The following IDO1 variants were observed in gnomAD, a reference collection of about 807,000 sequenced individuals.
IDO1 encodes indoleamine 2,3-dioxygenase 1.
IDO1 carries 35 observed loss-of-function variants against 38.8 expected under a neutral mutation model. That is an observed-to-expected ratio of 0.90 (90% CI 0.69 to 1.20). The LOEUF is 1.20. Among genes scored for constraint, IDO1 ranks in the 50% most tolerant of loss-of-function variants. The pLI, the probability that IDO1 is intolerant of heterozygous loss-of-function variation, is 0.00. For synonymous variants in IDO1, 171 were observed against 170.0 expected, an observed-to-expected ratio of 1.01 and a Z score of -0.05; for missense variants, 509 against 485.1, an observed-to-expected ratio of 1.05 and a Z score of -0.46.
At position 39,923,464 on chromosome 8, in the gene IDO1, T is replaced by A; in HGVS notation, c.538-5T>A. ...AAATGTTTGTGTTTTGTTTGTTTGTTTTAGGTAATTCCTACTGTATTCAAG... is the reference window on the plus strand; with the variant it reads ...AAATGTTTGTGTTTTGTTTGTTTGTATTAGGTAATTCCTACTGTATTCAAG... On this transcript the variant is annotated splice_region_variant and splice_polypyrimidine_tract_variant and intron_variant, in intron 6 of 9. Coordinates refer to ENST00000518237, the MANE Select transcript of IDO1 (RefSeq NM_002164.6). 2 of 1,515,368 alleles carry A rather than the reference T, an allele frequency of 1.3e-6. No individual in the cohort carries two copies. Among genetic ancestry groups the A allele is most frequent in the East Asian group, 4.5e-5 (2 of 44,390 alleles). The allele number at this position is 1,515,368 out of a possible 1,614,324, so 93.9% of individuals were successfully genotyped here.
intron 4 of IDO1, 59 bp downstream of exon 4, chr8:39,918,992 G>A: frequency 9.6e-7 from 1 of 1,038,242 alleles, no homozygotes; most frequent in African/African-American, 1.7e-5. Flanking sequence ...AAATAAAACA[G>A]GGGTTGTTCA....
intron 7 of IDO1, among the ~76,000 whole-genome samples, chr8:39,924,401 T>C (rs1408024775): frequency 2.6e-5 from 4 of 152,170 alleles, no homozygotes; most frequent in Non-Finnish European, 4.4e-5. Flanking sequence ...GAGGGAAATC[T>C]AGTTTCTAGG....
chr8:39,920,114 A>G lies in IDO1; in HGVS notation c.437A>G (p.Glu146Gly). ...KKDPNKPLTY[E>G]NMDVLFSFRD... ...GCTTTCATAAGGCCCCTGACTTATG[A>G]GTAAGTATCTGATTCTTGTTTGATT... The change falls in exon 5 of 10, where the codon GAG becomes GGG. Residue 146 changes from glutamate to glycine, a missense_variant and splice_region_variant. Glu to Gly is a moderately conservative substitution (Grantham distance 98, BLOSUM62 -2). Coordinates refer to ENST00000518237, the MANE Select transcript of IDO1 (RefSeq NM_002164.6). The G allele has an allele frequency of 6.2e-7, 1 of 1,608,262 alleles. No homozygotes were observed. Among genetic ancestry groups the G allele is most frequent in the East Asian group, 2.2e-5 (1 of 44,746 alleles).
chr8:39,918,381 T>G, intron 3 of IDO1, 174 bp downstream of exon 3: 1 of 604,874 alleles, frequency 1.7e-6, no homozygotes, highest in Non-Finnish European at 2.8e-6. Context: ...GTTATCATTA[T>G]TATATTTTTA....
chr8:39,921,568 C>A (rs1035663417), intron 5 of IDO1, among the ~76,000 whole-genome samples: 1 of 151,646 alleles, frequency 6.6e-6, no homozygotes, highest in African/African-American at 2.4e-5. Context: ...AGGATGACAT[C>A]AGCAGTCAGT....
chr8:39,924,919 T>A, intron 8 of IDO1, 147 bp downstream of exon 8: 1 of 717,256 alleles, frequency 1.4e-6, no homozygotes, highest in Non-Finnish European at 2.5e-6. Context: ...GACTGTTCTG[T>A]TATCACTTGG....
chr8:39,928,233 C>A lies in IDO1; in HGVS notation c.*48C>A. On this transcript the variant is annotated 3_prime_UTR_variant, in exon 10 of 10. Coordinates refer to ENST00000518237, the MANE Select transcript of IDO1 (RefSeq NM_002164.6). Reference sequence around the variant, plus strand: ...TTATCATAGCAGAGACATCTGTATGCATTCCTGTCATTACCCATTGTAACA... The same window carrying A: ...TTATCATAGCAGAGACATCTGTATGAATTCCTGTCATTACCCATTGTAACA... The A allele has an allele frequency of 8.0e-7, 1 of 1,251,088 alleles. No homozygotes were observed. The highest frequency in any genetic ancestry group is 1.1e-6 in the Non-Finnish European group (1 of 887,742). 77.5% of individuals were successfully genotyped at this position (1,251,088 alleles called of 1,614,324 possible).
chr8:39,926,432 G>A (rs902265141), intron 9 of IDO1, among the ~76,000 whole-genome samples: 2 of 152,152 alleles, frequency 1.3e-5, no homozygotes, highest in Admixed American at 6.5e-5. Context: ...TCTGGGCCCT[G>A]CTCTTGTTCA....
rs72643907 is a variant in IDO1, at chr8:39,924,440, T to C, written c.656-281T>C. ...TTGTTTTGGTTTGTTTTGATTTGTT[T>C]TTTTTTGTCTTTGGTTTGTTTCTTT... On this transcript the variant is annotated intron_variant, in intron 7 of 9. Transcript: ENST00000518237. 3.4e-3 allele frequency among the ~76,000 whole-genome samples: 523 copies of C among 152,316 alleles called. 2 individuals carry two copies. Among genetic ancestry groups the C allele is most frequent in the Non-Finnish European group, 5.3e-3 (360 of 68,034 alleles).
rs115866002 is a variant in IDO1 at position 39,927,103 on chromosome 8, T to C, written c.857-727T>C. Among the ~76,000 whole-genome samples, 1,122 of 152,294 alleles carry C rather than the reference T, an allele frequency of 7.4e-3. 17 individuals carry two copies. Among genetic ancestry groups the C allele is most frequent in the African/African-American group, 0.026 (1,061 of 41,566 alleles). ...CACATTTTCTTTGTCCCATCTACCA[T>C]TGATGGGCACCTGGGTTCATTCCAT... On this transcript the variant is annotated intron_variant, in intron 9 of 9. Coordinates refer to ENST00000518237, the MANE Select transcript of IDO1 (RefSeq NM_002164.6).
chr8:39,921,595 GA>G (rs1217710036), intron 5 of IDO1, among the ~76,000 whole-genome samples: 2 of 152,164 alleles, frequency 1.3e-5, no homozygotes, highest in African/African-American at 4.8e-5. Flanking sequence ...TTACAGATGA[GA>G]ACACCAAGGC....
intron 1 of IDO1, 129 bp from the exon 2 acceptor site, chr8:39,917,746 C>A (rs1164419587): frequency 9.5e-6 from 6 of 633,076 alleles, no homozygotes; most frequent in Non-Finnish European, 1.7e-5. Context: ...GCTGGTGTTT[C>A]CAGACAGGTA....
intron 1 of IDO1, chr8:39,915,850 A>T (rs1057007294): frequency 6.6e-6 from 1 of 152,002 alleles, no homozygotes; most frequent in Non-Finnish European, 1.5e-5. Flanking sequence ...AACAAACGAA[A>T]CTCTTCCTTA....
rs1807224667 is a variant in IDO1 at position 39,918,826 on chromosome 8, A to T, written c.315A>T (p.Arg105Ser). 3 of 1,604,178 alleles carry T rather than the reference A, an allele frequency of 1.9e-6. No homozygotes were observed. Among genetic ancestry groups the T allele is most frequent in the Non-Finnish European group, 2.6e-6 (3 of 1,171,240 alleles). ...GHGDVRKVLP[R>S]NIAVPYCQLS... ...TGTATTTTAATCAGGTCTTGCCAAG[A>T]AATATTGCTGTTCCTTACTGCCAAC... The change falls in exon 4 of 10, where the codon AGA becomes AGT. Residue 105 changes from arginine to serine, a missense_variant. By Grantham distance (110) the Arg-to-Ser change is moderately radical. Transcript: ENST00000518237.
At chr8:39,919,689 A>AG (rs1312869576) in intron 4 of IDO1, among the ~76,000 whole-genome samples, 1 of 152,162 alleles carries the variant, frequency 6.6e-6, no homozygotes, top group Non-Finnish European at 1.5e-5. Context: ...TTTAAAAAAA[A>AG]ATTCACCGGG....
At chr8:39,921,940 T>C (rs954809239) in intron 5 of IDO1, among the ~76,000 whole-genome samples, 2 of 152,204 alleles carry the variant, frequency 1.3e-5, no homozygotes, top group Non-Finnish European at 2.9e-5. Context: ...GACGGGATAA[T>C]AGAAACAGAA....
intron 1 of IDO1, among the ~76,000 whole-genome samples, chr8:39,916,635 A>G (rs1292068261): frequency 6.6e-6 from 1 of 152,242 alleles, no homozygotes; most frequent in Non-Finnish European, 1.5e-5. Context: ...TTTATCTCTC[A>G]TAATCTATCT....
chr8:39,919,753 T>G (rs1406811879), intron 4 of IDO1, among the ~76,000 whole-genome samples: 1 of 152,088 alleles, frequency 6.6e-6, no homozygotes, highest in East Asian at 1.9e-4. Context: ...GGCAGGAGGA[T>G]CACTTCAGCC....
rs1173666738 is a variant in IDO1 at position 39,918,130 on chromosome 8, C to A, written c.226C>A (p.Gln76Lys). ...TGATCATCTCACAGACCACAAGTCA[C>A]AGCGCCTTGCACGTCTAGTTCTGGG... ...SIDHLTDHKS[Q>K]RLARLVLGCI... The change falls in exon 3 of 10, where the codon CAG becomes AAG. Residue 76 changes from glutamine (Q) to lysine (K), a missense_variant. Physicochemically the swap from Gln to Lys is moderately conservative, Grantham distance 53. Transcript: ENST00000518237. 2 of 1,613,970 alleles carry A rather than the reference C, an allele frequency of 1.2e-6. No homozygotes were observed. The highest frequency in any genetic ancestry group is 2.2e-5 in the East Asian group (1 of 44,876).
Sources: allele counts gnomAD v4.1 joint callset (sites outside exome capture counted in the v4.1 genomes callset), GRCh38; gene constraint gnomAD v4.1.1; transcripts MANE v1.5; gene names NCBI Gene and HGNC (gene_info 2026-07-23, HGNC 2026-07-21).